The following KCNQ3 variants were observed in gnomAD, a reference collection of about 807,000 sequenced individuals.
The protein encoded by KCNQ3 is potassium voltage-gated channel subfamily Q member 3, also known as potassium voltage-gated channel subfamily KQT member 3.
In KCNQ3, 30 loss-of-function variants were observed where a neutral mutation model predicts 92.5. The ratio of observed to expected loss-of-function variants is 0.32; its 90% confidence interval spans 0.24 to 0.44. The LOEUF (loss-of-function observed/expected upper bound fraction) is 0.44. Ranked by LOEUF, KCNQ3 falls within the 20% of genes least tolerant of loss-of-function variation. The pLI, the probability that KCNQ3 is intolerant of heterozygous loss-of-function variation, is 1.00. For synonymous variants in KCNQ3, 450 were observed against 468.8 expected, an observed-to-expected ratio of 0.96 and a Z score of 0.52; for missense variants, 913 against 1,140.3, an observed-to-expected ratio of 0.80 and a Z score of 2.87.
At chr8:132,224,843 AT>A (rs2130350927) in intron 1 of KCNQ3, among the ~76,000 whole-genome samples, 1 of 152,284 alleles carries the variant, frequency 6.6e-6, no homozygotes, top group Admixed American at 6.5e-5. Flanking sequence ...CATAATGGTT[AT>A]TCAACTAATT....
At chr8:132,321,227 C>T (rs1247171560) in intron 1 of KCNQ3, among the ~76,000 whole-genome samples, 1 of 152,162 alleles carries the variant, frequency 6.6e-6, no homozygotes, top group African/African-American at 2.4e-5. Flanking sequence ...TGTTGTTTCC[C>T]AAACCAATCC....
intron 1 of KCNQ3, among the ~76,000 whole-genome samples, chr8:132,289,029 G>A (rs1183828184): frequency 1.3e-5 from 2 of 152,200 alleles, no homozygotes; most frequent in African/African-American, 4.8e-5. Context: ...TCAAGAAATT[G>A]AAGTGGATTT....
intron 1 of KCNQ3, among the ~76,000 whole-genome samples, chr8:132,305,658 AG>A (rs2130597308): frequency 6.6e-6 from 1 of 152,156 alleles, no homozygotes; most frequent in South Asian, 2.1e-4. Flanking sequence ...CTCTGGCTGT[AG>A]CTGTACCTGC....
chr8:132,231,151 G>A (rs1814634935), intron 1 of KCNQ3, among the ~76,000 whole-genome samples: 1 of 152,190 alleles, frequency 6.6e-6, no homozygotes. Flanking sequence ...GCTGGGAAGG[G>A]CCAAGGAAGG....
At chr8:132,428,758 C>T (rs903777566) in intron 1 of KCNQ3, among the ~76,000 whole-genome samples, 18 of 152,176 alleles carry the variant, frequency 1.2e-4, no homozygotes, top group Admixed American at 3.9e-4. Flanking sequence ...GTTTAGAGCA[C>T]CTTTCCAGTT....
chr8:132,124,831 C>T lies in KCNQ3; in HGVS notation c.*4431G>A, dbSNP rs1022321505. ...TTGGTTATTCATGAAAACCAAATAC[C>T]AGCTATGTGGCATCTTCTGGGAAAG... On this transcript the variant is annotated 3_prime_UTR_variant, in exon 15 of 15. Transcript: ENST00000388996. 1 of 152,142 alleles carries T rather than the reference C, an allele frequency of 6.6e-6. No homozygotes were observed. Among genetic ancestry groups the T allele is most frequent in the African/African-American group, 2.4e-5 (1 of 41,430 alleles). 9.4% of individuals were successfully genotyped at this position (152,142 alleles called of 1,614,324 possible).
chr8:132,183,093 T>C (rs1050422323), intron 3 of KCNQ3, among the ~76,000 whole-genome samples: 2 of 152,194 alleles, frequency 1.3e-5, no homozygotes, highest in African/African-American at 4.8e-5. Context: ...AGCTCTTCTC[T>C]GAGCTGGCTG....
chr8:132,188,654 G>A (rs551868645), intron 1 of KCNQ3, among the ~76,000 whole-genome samples: 1 of 152,180 alleles, frequency 6.6e-6, no homozygotes, highest in Admixed American at 6.5e-5. Context: ...TTTATTTGGT[G>A]CCTCTTTTGT....
At chr8:132,264,411 C>A (rs978474409) in intron 1 of KCNQ3, among the ~76,000 whole-genome samples, 1 of 152,154 alleles carries the variant, frequency 6.6e-6, no homozygotes, top group Non-Finnish European at 1.5e-5. Context: ...ACCCTCCTGG[C>A]CATTTCTGGT....
chr8:132,194,668 G>C (rs918720157), intron 1 of KCNQ3, among the ~76,000 whole-genome samples: 1 of 152,332 alleles, frequency 6.6e-6, no homozygotes, highest in African/African-American at 2.4e-5. Flanking sequence ...ACCCAGACAT[G>C]AGAACATAAG....
intron 1 of KCNQ3, among the ~76,000 whole-genome samples, chr8:132,239,282 T>C: frequency 6.6e-6 from 1 of 152,228 alleles, no homozygotes; most frequent in Non-Finnish European, 1.5e-5. Context: ...AAATACATCC[T>C]GCTCCTCTTT....
rs938148168 is a variant in KCNQ3 at position 132,180,427 on chromosome 8, A to G, written c.605-98T>C. On this transcript the variant is annotated intron_variant, in intron 3 of 14. Coordinates refer to ENST00000388996, the MANE Select transcript of KCNQ3 (RefSeq NM_004519.4). ...AGGTGCTGTTTGCTGGCAGATCAGC[A>G]TGTGCCAAGCAGTGGGACAATCTGA... 36 of 1,344,068 alleles carry G rather than the reference A, an allele frequency of 2.7e-5. No homozygotes were observed. In the South Asian group the frequency reaches 4.1e-4, roughly 15 times the overall value. The allele number at this position is 1,344,068 out of a possible 1,614,324, so 83.3% of individuals were successfully genotyped here.
intron 9 of KCNQ3, among the ~76,000 whole-genome samples, chr8:132,148,187 G>A (rs1825510165): frequency 6.6e-6 from 1 of 152,156 alleles, no homozygotes; most frequent in Non-Finnish European, 1.5e-5. Flanking sequence ...AAAAGAAAGG[G>A]GGTCTGGAAC....
In KCNQ3 at chr8:132,141,464, G is replaced by A; in HGVS notation, c.1263-133C>T. The A allele has an allele frequency of 5.0e-6, 4 of 804,838 alleles. 1 individual carries two copies. The South Asian group carries it at 5.8e-5, about 12-fold the overall frequency. 49.9% of individuals were successfully genotyped at this position (804,838 alleles called of 1,614,324 possible). A position where few individuals can be genotyped will look rare whatever the true frequency, so the allele number is the denominator to read the frequency against. The stretch of plus-strand genomic sequence containing the variant: ...CCGTGCATTTCACAGTGCTGAATCT[G>A]ACTCAGCAGCTTGGAATCGGACAGG... On this transcript the variant is annotated intron_variant, in intron 9 of 14. Transcript: ENST00000388996.
At chr8:132,343,715 T>C (rs1818600434) in intron 1 of KCNQ3, among the ~76,000 whole-genome samples, 1 of 152,042 alleles carries the variant, frequency 6.6e-6, no homozygotes, top group Non-Finnish European at 1.5e-5. Context: ...AGATACTCGC[T>C]CCCTGATTTC....
intron 1 of KCNQ3, among the ~76,000 whole-genome samples, chr8:132,392,541 T>C (rs1047614840): frequency 5.3e-5 from 8 of 152,026 alleles, no homozygotes; most frequent in Non-Finnish European, 1.0e-4. Context: ...CTCTCAACTC[T>C]ATATTCAAAC....
chr8:132,480,483 T>G lies in KCNQ3; in HGVS notation c.50A>C (p.Asp17Ala), dbSNP rs763797355. 3 of 1,211,130 alleles carry G rather than the reference T, an allele frequency of 2.5e-6. No homozygotes were observed. Among genetic ancestry groups the G allele is most frequent in the African/African-American group, 3.2e-5 (2 of 62,080 alleles). The allele number at this position is 1,211,130 out of a possible 1,614,324, so 75.0% of individuals were successfully genotyped here. A position where few individuals can be genotyped will look rare whatever the true frequency, so the allele number is the denominator to read the frequency against. Residue 17 changes from aspartate to alanine, a missense_variant, in exon 1 of 15, where the codon GAC becomes GCC. By Grantham distance (126) the Asp-to-Ala change is moderately radical. Transcript: ENST00000388996. The part of the protein sequence containing the change: ...RAAGAAGGGG[D>A]GGGGGGGAAN... Reference sequence around the variant, plus strand: ...CGCCCCGCCGCCTCCGCCGCCCCCGTCGCCGCCGCCGCCAGCCGCCCCCGC... The same window carrying G: ...CGCCCCGCCGCCTCCGCCGCCCCCGGCGCCGCCGCCGCCAGCCGCCCCCGC...
At chr8:132,443,117 C>T (rs989209654) in intron 1 of KCNQ3, among the ~76,000 whole-genome samples, 22 of 152,156 alleles carry the variant, frequency 1.4e-4, no homozygotes, top group African/African-American at 5.3e-4. Context: ...GCTAAGGCCC[C>T]GCTTGAGCAT....
intron 1 of KCNQ3, among the ~76,000 whole-genome samples, chr8:132,257,032 A>T (rs1815611435): frequency 6.6e-6 from 1 of 152,174 alleles, no homozygotes; most frequent in South Asian, 2.1e-4. Flanking sequence ...ACAACCCATG[A>T]AGAAATAATT....
Sources: allele counts gnomAD v4.1 joint callset (sites outside exome capture counted in the v4.1 genomes callset), GRCh38; gene constraint gnomAD v4.1.1; transcripts MANE v1.5; gene names NCBI Gene and HGNC (gene_info 2026-07-23, HGNC 2026-07-21).